Variants in STK32C observed in about 807,000 individuals in gnomAD.
STK32C encodes the protein serine/threonine kinase 32C, also known as serine/threonine-protein kinase 32C.
In STK32C, 31 loss-of-function variants were observed where a neutral mutation model predicts 56.5. That is an observed-to-expected ratio of 0.55 (90% CI 0.41 to 0.74). The LOEUF is 0.74. Among genes scored for constraint, STK32C ranks in the 30% least tolerant of loss-of-function variants. STK32C has a pLI of 0.00. For synonymous variants in STK32C, 309 were observed against 289.4 expected (o/e 1.07, Z -0.69); for missense variants, 544 against 676.9 (o/e 0.80, Z 2.18).
At chr10:132,235,908 TA>T (rs35578776) in intron 2 of STK32C, among the ~76,000 whole-genome samples, 52,314 of 151,944 alleles carry the variant, frequency 0.34, 9,147 homozygotes, top group Admixed American at 0.44. Flanking sequence ...TCTTTAAAGA[TA>T]ACACACTAAA....
chr10:132,227,902 G>A (rs1327325899), intron 3 of STK32C, 75 bp downstream of exon 3: 8 of 1,554,846 alleles, frequency 5.1e-6, no homozygotes, highest in Non-Finnish European at 7.0e-6. Context: ...AGCACCAAGG[G>A]CAGGAGAGGA....
At chr10:132,226,707 G>A (rs886807222) in intron 4 of STK32C, 88 bp downstream of exon 4, 1 of 1,499,536 alleles carries the variant, frequency 6.7e-7, no homozygotes, top group Non-Finnish European at 9.1e-7. Flanking sequence ...CTCTGAGGGA[G>A]TACGGCCGCC....
intron 2 of STK32C, among the ~76,000 whole-genome samples, chr10:132,237,453 T>G (rs913190280): frequency 3.9e-5 from 6 of 152,256 alleles, no homozygotes; most frequent in Non-Finnish European, 8.8e-5. Context: ...GGCATAAAGG[T>G]GCAGCCTGGG....
At position 132,241,563 on chromosome 10, in the gene STK32C, A is replaced by G. The variant is rs542065176; in HGVS notation, c.318+4337T>C. ...TGCTCTCAATTAATCTGAAAACGTA[A>G]CTCCTATCCAAATCCCAGCGGGGTT... On this transcript the variant is annotated intron_variant, in intron 2 of 11. Transcript: ENST00000298630. 2.6e-5 allele frequency among the ~76,000 whole-genome samples: 4 copies of G among 152,232 alleles called. No individual in the cohort carries two copies. The South Asian group carries it at 8.3e-4, about 32-fold the overall frequency.
intron 1 of STK32C, among the ~76,000 whole-genome samples, chr10:132,258,559 G>C (rs1452526871): frequency 6.6e-6 from 1 of 152,224 alleles, no homozygotes; most frequent in Non-Finnish European, 1.5e-5. Context: ...GCTCTCCCGG[G>C]TGGCTGGGCC....
chr10:132,220,458 A>G (rs1202443680), intron 10 of STK32C, among the ~76,000 whole-genome samples: 1 of 152,268 alleles, frequency 6.6e-6, no homozygotes, highest in East Asian at 1.9e-4. Context: ...TTGATGCTCT[A>G]TTGTGAATAT....
chr10:132,290,966 A>G (rs1327470175), intron 1 of STK32C, among the ~76,000 whole-genome samples: 1 of 152,182 alleles, frequency 6.6e-6, no homozygotes, highest in African/African-American at 2.4e-5. Flanking sequence ...AGGCACAGCC[A>G]GTCTTCCACC....
chr10:132,243,838 C>T (rs944040639), intron 2 of STK32C, among the ~76,000 whole-genome samples: 27 of 152,140 alleles, frequency 1.8e-4, no homozygotes, highest in Admixed American at 1.1e-3. Context: ...GGGTGGGCTC[C>T]GGTGCTCTGC....
chr10:132,267,848 T>C (rs2064623966), intron 1 of STK32C, among the ~76,000 whole-genome samples: 1 of 138,644 alleles, frequency 7.2e-6, no homozygotes, highest in South Asian at 2.5e-4. Flanking sequence ...TGCATGCATG[T>C]GTATGCAGGT....
chr10:132,275,799 C>T (rs760188145), intron 1 of STK32C, among the ~76,000 whole-genome samples: 4 of 152,234 alleles, frequency 2.6e-5, no homozygotes, highest in Admixed American at 6.5e-5. Context: ...CAGCCTTCAG[C>T]GGAAACCTCC....
intron 1 of STK32C, chr10:132,249,007 T>C (rs967125776): frequency 6.5e-6 from 3 of 464,690 alleles, no homozygotes; most frequent in Middle Eastern, 6.5e-4. Flanking sequence ...TCACGGCAAT[T>C]GGGTCACCTG....
chr10:132,209,003 C>T (rs746323651), intron 11 of STK32C, 31 bp downstream of exon 11: 51 of 1,605,872 alleles, frequency 3.2e-5, no homozygotes, highest in Non-Finnish European at 3.9e-5. Flanking sequence ...TCCTCTCTGC[C>T]ACCACGCCCA....
chr10:132,319,440 T>G (rs554976713), downstream of STK32C, among the ~76,000 whole-genome samples: 4 of 152,356 alleles, frequency 2.6e-5, no homozygotes, highest in East Asian at 5.8e-4. Context: ...ATGTCCATCA[T>G]CTGGTGAACA....
At chr10:132,331,708 C>G (rs777726020) in exon 1 of STK32C, 1 of 1,612,564 alleles carries the variant, frequency 6.2e-7, no homozygotes, top group Non-Finnish European at 8.5e-7. Context: ...CGCCCCGGGC[C>G]CTCCGGCTCC....
intron 2 of STK32C, among the ~76,000 whole-genome samples, chr10:132,239,792 G>A (rs186355769): frequency 1.3e-5 from 2 of 152,344 alleles, no homozygotes; most frequent in Admixed American, 1.3e-4. Context: ...TCATGTGAGG[G>A]GTCACTCACG....
intron 1 of STK32C, among the ~76,000 whole-genome samples, chr10:132,284,084 A>G (rs1256547150): frequency 6.6e-6 from 1 of 151,888 alleles, no homozygotes; most frequent in Non-Finnish European, 1.5e-5. Flanking sequence ...CCTCTGACCA[A>G]CCATGAGCAG....
At position 132,293,229 on chromosome 10, in the gene STK32C, G is replaced by A. The variant is rs886113498; in HGVS notation, c.262+14343C>T. On this transcript the variant is annotated intron_variant, in intron 1 of 11. Transcript: ENST00000298630. ...CTGAGAGGAGGATGGAGTGGCCATCGCTACTCTCACGGTCCCTCCACCCAG... is the reference window on the plus strand; with the variant it reads ...CTGAGAGGAGGATGGAGTGGCCATCACTACTCTCACGGTCCCTCCACCCAG... 3.3e-5 allele frequency among the ~76,000 whole-genome samples: 5 copies of A among 152,206 alleles called. No individual in the cohort carries two copies. In the East Asian group the frequency reaches 7.7e-4, roughly 23 times the overall value.
intron 2 of STK32C, among the ~76,000 whole-genome samples, chr10:132,242,939 G>A (rs528132571): frequency 1.3e-5 from 2 of 152,268 alleles, no homozygotes; most frequent in South Asian, 2.1e-4. Context: ...ACCACAGACC[G>A]GAAAGGTCAA....
At chr10:132,219,713 G>A (rs953121970) in intron 10 of STK32C, among the ~76,000 whole-genome samples, 1 of 152,132 alleles carries the variant, frequency 6.6e-6, no homozygotes, top group African/African-American at 2.4e-5. Context: ...TCCTGGAGGA[G>A]GGGCGAGGAT....
Sources: allele counts gnomAD v4.1 joint callset (sites outside exome capture counted in the v4.1 genomes callset), GRCh38; gene constraint gnomAD v4.1.1; transcripts MANE v1.5; gene names NCBI Gene and HGNC (gene_info 2026-07-23, HGNC 2026-07-21).